MAP3K5: variants seen among roughly 807,000 people sequenced by gnomAD.
MAP3K5 encodes ASK-1.
In MAP3K5, 56 loss-of-function variants were observed where a neutral mutation model predicts 158.7. The ratio of observed to expected loss-of-function variants is 0.35; its 90% CI spans 0.28 to 0.44. The LOEUF is 0.44. Among genes scored for constraint, MAP3K5 ranks in the 20% least tolerant of loss-of-function variants. MAP3K5 has a pLI of 1.00. For synonymous variants in MAP3K5, 579 were observed against 601.7 expected (o/e 0.96, Z 0.55); for missense variants, 1,294 against 1,674.8 (o/e 0.77, Z 3.97).
At position 136,655,411 on chromosome 6, in the gene MAP3K5, G is replaced by C. The variant is rs112180237; in HGVS notation, c.1680+896C>G. Among the ~76,000 whole-genome samples, 1,074 of 152,302 alleles carry C rather than the reference G, an allele frequency of 7.1e-3. 18 individuals carry two copies. Among genetic ancestry groups the C allele is most frequent in the African/African-American group, 0.023 (942 of 41,562 alleles). The stretch of plus-strand genomic sequence containing the variant: ...CCTGCTGAGCTCAAGGCTTCATCTG[G>C]AAGCAAGAGTAAAGCATGCTCATGT... On this transcript the variant is annotated intron_variant, in intron 10 of 29. Transcript: ENST00000359015.
intron 2 of MAP3K5, among the ~76,000 whole-genome samples, chr6:136,720,032 A>G (rs1235880380): frequency 6.6e-6 from 1 of 152,154 alleles, no homozygotes; most frequent in Admixed American, 6.5e-5. Flanking sequence ...AGAGGAAGGC[A>G]ACTATTTGGG....
chr6:136,736,847 T>C (rs1235122194), intron 1 of MAP3K5, among the ~76,000 whole-genome samples: 5 of 151,732 alleles, frequency 3.3e-5, no homozygotes, highest in Admixed American at 2.0e-4. Context: ...GTTAATGTTT[T>C]ACATATTTTT....
chr6:136,567,480 GCTAAA>G (rs1774170649), intron 26 of MAP3K5, 146 bp downstream of exon 26: 4 of 810,224 alleles, frequency 4.9e-6, no homozygotes, highest in Non-Finnish European at 7.5e-6. Context: ...GACAAAAGAG[GCTAAA>G]CTAAACTTCT....
intron 25 of MAP3K5, among the ~76,000 whole-genome samples, chr6:136,575,199 T>C (rs1003393628): frequency 2.0e-5 from 3 of 150,510 alleles, no homozygotes; most frequent in African/African-American, 7.4e-5. Flanking sequence ...TCTCACTCTG[T>C]CCCCCAGGCC....
At chr6:136,746,414 T>G (rs750090065) in intron 1 of MAP3K5, among the ~76,000 whole-genome samples, 1 of 152,224 alleles carries the variant, frequency 6.6e-6, no homozygotes, top group Non-Finnish European at 1.5e-5. Context: ...ACTTAATTAT[T>G]GACCCAGGAA....
chr6:136,602,406 G>A (rs142450239), intron 19 of MAP3K5, among the ~76,000 whole-genome samples: 2 of 152,172 alleles, frequency 1.3e-5, no homozygotes, highest in African/African-American at 4.8e-5. Flanking sequence ...AGGCTCAAGC[G>A]AGTCTTTCAC....
chr6:136,708,633 C>CAATGGGGGTGCTCCAGG (rs1443645178), intron 2 of MAP3K5, among the ~76,000 whole-genome samples: 2 of 152,058 alleles, frequency 1.3e-5, no homozygotes, highest in Non-Finnish European at 2.9e-5. Flanking sequence ...AGTGCTTAGT[C>CAATGGGGGTGCTCCAGG]AATGGGGGTG....
chr6:136,605,587 A>G (rs1415287446), intron 18 of MAP3K5, among the ~76,000 whole-genome samples: 1 of 152,222 alleles, frequency 6.6e-6, no homozygotes, highest in African/African-American at 2.4e-5. Context: ...TACTTTACCC[A>G]TATTATCTGG....
At chr6:136,692,590 C>T (rs937911820) in intron 7 of MAP3K5, among the ~76,000 whole-genome samples, 1 of 152,176 alleles carries the variant, frequency 6.6e-6, no homozygotes, top group Admixed American at 6.5e-5. Context: ...TTTTTTCCAA[C>T]ATTTATAATT....
rs374358975 is a variant in MAP3K5, at chr6:136,634,587, C to CT, written c.2016+2737dup. Among the ~76,000 whole-genome samples the CT allele has an allele frequency of 5.6e-3, 819 of 147,560 alleles. 7 individuals are homozygous for CT. Among genetic ancestry groups the CT allele is most frequent in the African/African-American group, 0.019 (756 of 39,522 alleles). Reference sequence around the variant, plus strand: ...AATGTTTTTCTTATGTTTTTCTTTTCTTTTTTTTTTGAGACCAAGTCTCAC... The same window carrying CT: ...AATGTTTTTCTTATGTTTTTCTTTTCTTTTTTTTTTTGAGACCAAGTCTCAC... On this transcript the variant is annotated intron_variant, in intron 14 of 29. Coordinates refer to ENST00000359015, the MANE Select transcript of MAP3K5 (RefSeq NM_005923.4).
chr6:136,590,457 T>C (rs1775333484), intron 23 of MAP3K5, among the ~76,000 whole-genome samples: 1 of 152,112 alleles, frequency 6.6e-6, no homozygotes, highest in Non-Finnish European at 1.5e-5. Context: ...CAATGTTGTT[T>C]CCTTCTAACC....
At chr6:136,788,336 C>T (rs924475235) in intron 1 of MAP3K5, among the ~76,000 whole-genome samples, 3 of 152,042 alleles carry the variant, frequency 2.0e-5, no homozygotes, top group African/African-American at 7.2e-5. Context: ...TAGAAGAAAG[C>T]CCAGGAAATA....
chr6:136,750,409 G>T (rs570066235), intron 1 of MAP3K5, among the ~76,000 whole-genome samples: 13 of 152,250 alleles, frequency 8.5e-5, no homozygotes, highest in African/African-American at 3.1e-4. Context: ...AGTTAATACA[G>T]ATTAGTTCAA....
At chr6:136,666,838 T>C (rs1779250169) in intron 8 of MAP3K5, among the ~76,000 whole-genome samples, 1 of 152,200 alleles carries the variant, frequency 6.6e-6, no homozygotes, top group East Asian at 1.9e-4. Flanking sequence ...ACAGTTCTCA[T>C]GATAGCTAAA....
chr6:136,592,116 A>G, intron 23 of MAP3K5, 57 bp downstream of exon 23: 2 of 1,460,354 alleles, frequency 1.4e-6, no homozygotes, highest in Non-Finnish European at 1.8e-6. Flanking sequence ...GCAGGCGGTT[A>G]GGACACAGAT....
intron 1 of MAP3K5, among the ~76,000 whole-genome samples, chr6:136,745,139 TAA>T (rs1782877719): frequency 8.6e-6 from 1 of 115,968 alleles, no homozygotes; most frequent in African/African-American, 3.1e-5. Context: ...TGGCAGTCAT[TAA>T]AGTTTTTTTT....
chr6:136,749,793 A>G (rs1783119459), intron 1 of MAP3K5, among the ~76,000 whole-genome samples: 1 of 152,182 alleles, frequency 6.6e-6, no homozygotes, highest in Admixed American at 6.5e-5. Flanking sequence ...GCCAGGATGA[A>G]TAAGGCTGGA....
At chr6:136,617,611 T>C (rs898339276) in intron 15 of MAP3K5, among the ~76,000 whole-genome samples, 1 of 152,092 alleles carries the variant, frequency 6.6e-6, no homozygotes, top group Non-Finnish European at 1.5e-5. Context: ...TTGTCTCTCA[T>C]ATACAGCTGG....
intron 25 of MAP3K5, among the ~76,000 whole-genome samples, chr6:136,577,337 T>C (rs904823977): frequency 3.3e-5 from 5 of 152,234 alleles, no homozygotes; most frequent in Admixed American, 1.3e-4. Flanking sequence ...TGTATATTGG[T>C]ATACAGTGTA....
Sources: gnomAD v4.1 joint callset for allele counts (sites outside exome capture counted in the v4.1 genomes callset) on GRCh38, gnomAD v4.1.1 for gene constraint, MANE v1.5 for transcripts, NCBI Gene and HGNC (gene_info 2026-07-23, HGNC 2026-07-21) for gene names.